CAMKMT: variants seen among roughly 807,000 people sequenced by gnomAD.
CAMKMT encodes the protein calmodulin-lysine N-methyltransferase.
A neutral mutation model predicts 48.0 loss-of-function variants in CAMKMT; 53 were observed. The ratio of observed to expected loss-of-function variants is 1.10; its 90% CI spans 0.89 to 1.39. The LOEUF is 1.39. Among genes scored for constraint, CAMKMT ranks in the 40% most tolerant of loss-of-function variants. The pLI is 0.00. For synonymous variants in CAMKMT, 165 were observed against 152.3 expected (o/e 1.08, Z -0.61); for missense variants, 428 against 402.7 (o/e 1.06, Z -0.54).
At chr2:44,664,323 A>G (rs1046593085) in intron 3 of CAMKMT, among the ~76,000 whole-genome samples, 4 of 152,256 alleles carry the variant, frequency 2.6e-5, no homozygotes, top group Non-Finnish European at 5.9e-5. Context: ...GCAAAGATGT[A>G]GCATCTAACA....
intron 3 of CAMKMT, among the ~76,000 whole-genome samples, chr2:44,404,717 G>T (rs1481561488): frequency 6.6e-6 from 1 of 151,838 alleles, no homozygotes. Context: ...ATACCTGTGT[G>T]CCTGTCTCGA....
chr2:44,527,390 T>C (rs1666195079), intron 3 of CAMKMT, among the ~76,000 whole-genome samples: 1 of 141,122 alleles, frequency 7.1e-6, no homozygotes, highest in Non-Finnish European at 1.5e-5. Context: ...TAATATATAA[T>C]ATATATGTAT....
chr2:44,369,585 C>G (rs1401930465), intron 1 of CAMKMT: 1 of 152,240 alleles, frequency 6.6e-6, no homozygotes, highest in Non-Finnish European at 1.5e-5. Flanking sequence ...AAGTGAAATA[C>G]TACCTCTACC....
intron 3 of CAMKMT, among the ~76,000 whole-genome samples, chr2:44,396,160 C>G (rs1347419388): frequency 2.0e-5 from 3 of 151,988 alleles, no homozygotes; most frequent in South Asian, 2.1e-4. Flanking sequence ...AAACATAACA[C>G]TCTTAGATAT....
intron 7 of CAMKMT, among the ~76,000 whole-genome samples, chr2:44,725,142 A>ATG (rs1558820037): frequency 1.7e-5 from 1 of 58,924 alleles, no homozygotes; most frequent in African/African-American, 9.1e-5. Flanking sequence ...TGCTTTCTGG[A>ATG]CGTGTGTGTG....
intron 3 of CAMKMT, among the ~76,000 whole-genome samples, chr2:44,509,227 C>G (rs997051148): frequency 6.6e-6 from 1 of 152,174 alleles, no homozygotes; most frequent in Non-Finnish European, 1.5e-5. Flanking sequence ...GCTCAGGGAA[C>G]TGTCTCCAAT....
chr2:44,436,781 C>T (rs1666290024), intron 3 of CAMKMT, among the ~76,000 whole-genome samples: 1 of 152,012 alleles, frequency 6.6e-6, no homozygotes, highest in South Asian at 2.1e-4. Context: ...ATAATAGTGA[C>T]TTTTAAACAC....
chr2:44,597,727 TTTTG>T (rs993285103), intron 3 of CAMKMT, among the ~76,000 whole-genome samples: 18 of 152,234 alleles, frequency 1.2e-4, no homozygotes, highest in South Asian at 2.1e-4. Context: ...CCTTATTATT[TTTTG>T]TTTGTTTGTT....
Position 44,772,179 on chromosome 2 carries a change from A to T in CAMKMT, c.*66A>T. 2.1e-6 allele frequency: 3 copies of T among 1,418,470 alleles called. No individual in the cohort carries two copies. The highest frequency in any genetic ancestry group is 2.0e-6 in the Non-Finnish European group (2 of 1,008,604). 87.9% of individuals were successfully genotyped at this position (1,418,470 alleles called of 1,614,324 possible). On this transcript the variant is annotated 3_prime_UTR_variant, in exon 11 of 11. Transcript: ENST00000378494. Reference sequence around the variant, plus strand: ...ATAGGGAATATTTTTACAAAAACGGAAATCTGTAAGGGGTATAATCGCCTG... The same window carrying T: ...ATAGGGAATATTTTTACAAAAACGGTAATCTGTAAGGGGTATAATCGCCTG...
intron 2 of CAMKMT, among the ~76,000 whole-genome samples, chr2:44,378,862 C>T (rs562826669): frequency 5.9e-5 from 9 of 152,250 alleles, no homozygotes; most frequent in Non-Finnish European, 1.2e-4. Flanking sequence ...AGGACCCACT[C>T]CACTCTCTGG....
chr2:44,444,047 A>C (rs146144540), intron 3 of CAMKMT, among the ~76,000 whole-genome samples: 19 of 152,338 alleles, frequency 1.2e-4, no homozygotes, highest in Non-Finnish European at 2.9e-5. Flanking sequence ...TCTTTGAAGG[A>C]GATAAGTGTT....
chr2:44,754,971 G>A (rs1680309328), intron 9 of CAMKMT, among the ~76,000 whole-genome samples: 1 of 152,094 alleles, frequency 6.6e-6, no homozygotes, highest in Non-Finnish European at 1.5e-5. Flanking sequence ...ACACTGAAGT[G>A]TGTGTGTGTT....
At chr2:44,402,740 G>GTTTTTTTTTTTTTTTTTTTTTTTTTTTT in intron 3 of CAMKMT, among the ~76,000 whole-genome samples, 5 of 94,098 alleles carry the variant, frequency 5.3e-5, no homozygotes, top group Non-Finnish European at 8.6e-5. Flanking sequence ...TTGTTTTGCT[G>GTTTTTTTTTTTTTTTTTTTTTTTTTTTT]TTTTTTTTTT....
At chr2:44,561,203 A>G (rs902529954) in intron 3 of CAMKMT, among the ~76,000 whole-genome samples, 1 of 152,024 alleles carries the variant, frequency 6.6e-6, no homozygotes, top group Admixed American at 6.6e-5. Flanking sequence ...GTTCCTACCA[A>G]CTTGGCAGCA....
intron 3 of CAMKMT, among the ~76,000 whole-genome samples, chr2:44,479,930 A>G (rs1307916564): frequency 6.6e-6 from 1 of 152,136 alleles, no homozygotes; most frequent in Non-Finnish European, 1.5e-5. Flanking sequence ...TATGATGTAA[A>G]CTTTTTTTTC....
chr2:44,756,618 T>C lies in CAMKMT; in HGVS notation c.762+2500T>C, dbSNP rs1028494478. Among the ~76,000 whole-genome samples, 109 of 151,742 alleles carry C rather than the reference T, an allele frequency of 7.2e-4. 1 individual carries two copies. The highest frequency in any genetic ancestry group is 2.6e-3 in the African/African-American group (108 of 41,388). On this transcript the variant is annotated intron_variant, in intron 9 of 10. Transcript: ENST00000378494. The stretch of plus-strand genomic sequence containing the variant: ...TTAGCCAGGCGTGGTGGCGGGCGCC[T>C]GTAGTCCCAGCTACTCGGGAGGCTG...
At chr2:44,765,217 G>GACTCTGTCTCAAA (rs1217993764) in intron 9 of CAMKMT, among the ~76,000 whole-genome samples, 1 of 151,908 alleles carries the variant, frequency 6.6e-6, no homozygotes, top group Non-Finnish European at 1.5e-5. Context: ...GACAGAGTGG[G>GACTCTGTCTCAAA]ACTCTGTCTC....
intron 3 of CAMKMT, among the ~76,000 whole-genome samples, chr2:44,603,048 A>C (rs1035283029): frequency 6.6e-6 from 1 of 151,500 alleles, no homozygotes; most frequent in Admixed American, 6.6e-5. Context: ...ATACACACAC[A>C]CACACATATA....
At chr2:44,582,171 C>G (rs1429590020) in intron 3 of CAMKMT, among the ~76,000 whole-genome samples, 1 of 152,192 alleles carries the variant, frequency 6.6e-6, no homozygotes, top group African/African-American at 2.4e-5. Flanking sequence ...CCGGGCCTTT[C>G]TGAAACTACA....
Sources: allele counts gnomAD v4.1 joint callset (sites outside exome capture counted in the v4.1 genomes callset), GRCh38; gene constraint gnomAD v4.1.1; transcripts MANE v1.5; gene names NCBI Gene and HGNC (gene_info 2026-07-23, HGNC 2026-07-21).